RIMBP2: variants seen among roughly 807,000 people sequenced by gnomAD.
RIMBP2 encodes RIMS binding protein 2.
A neutral mutation model predicts 118.6 loss-of-function variants in RIMBP2; 48 were observed. That is an observed-to-expected ratio of 0.40 (90% CI 0.32 to 0.51). The LOEUF (loss-of-function observed/expected upper bound fraction) is 0.51, where lower values mean the gene tolerates loss of function less well. Among genes scored for constraint, RIMBP2 ranks in the 20% least tolerant of loss-of-function variants. The pLI, the probability that RIMBP2 is intolerant of heterozygous loss-of-function variation, is 0.41. For missense variants in RIMBP2, 1,551 were observed against 1,768.3 expected, an observed-to-expected ratio of 0.88 and a Z score of 2.20; for synonymous variants, 762 against 742.9, an observed-to-expected ratio of 1.03 and a Z score of -0.42.
chr12:130,611,254 G>C lies in RIMBP2; in HGVS notation c.-217+17068C>G, dbSNP rs554877359. 6.0e-4 allele frequency among the ~76,000 whole-genome samples: 92 copies of C among 152,288 alleles called. 2 individuals are homozygous for C. The highest frequency in any genetic ancestry group is 2.1e-4 in the South Asian group (1 of 4,834). On this transcript the variant is annotated intron_variant, in intron 2 of 22. Coordinates refer to ENST00000690449, the MANE Select transcript of RIMBP2 (RefSeq NM_001393629.1). ...ATTCCCCTCCCATCCCACGAGCTCTGTCCCCACGTCCCCCAGACCCCACAG... is the reference window on the plus strand; with the variant it reads ...ATTCCCCTCCCATCCCACGAGCTCTCTCCCCACGTCCCCCAGACCCCACAG...
intron 1 of RIMBP2, among the ~76,000 whole-genome samples, chr12:130,635,047 TC>T (rs2062266771): frequency 6.6e-6 from 1 of 152,076 alleles, no homozygotes; most frequent in South Asian, 2.1e-4. Flanking sequence ...ACAGCCCAGC[TC>T]CCCCTGCCCC....
chr12:130,686,356 C>G (rs2065044155), intron 1 of RIMBP2, among the ~76,000 whole-genome samples: 1 of 152,236 alleles, frequency 6.6e-6, no homozygotes, highest in African/African-American at 2.4e-5. Context: ...CCCCGCGCCC[C>G]CAGGCTGTCA....
rs969463108 is a variant in RIMBP2 at position 130,701,960 on chromosome 12, C to T, written c.-352+14262G>A. Among the ~76,000 whole-genome samples, 4 of 152,182 alleles carry T rather than the reference C, an allele frequency of 2.6e-5. 1 individual carries two copies. The highest frequency in any genetic ancestry group is 2.0e-4 in the Admixed American group (3 of 15,272). ...GATGCTCTAGGGAAGGGACTGCAGG[C>T]ACAAGGCCCACCAAAACATAATGCG... On this transcript the variant is annotated intron_variant, in intron 1 of 22. Coordinates refer to ENST00000690449, the MANE Select transcript of RIMBP2 (RefSeq NM_001393629.1).
chr12:130,553,293 A>G (rs1207424548), intron 2 of RIMBP2, among the ~76,000 whole-genome samples: 2 of 152,206 alleles, frequency 1.3e-5, no homozygotes, highest in Non-Finnish European at 2.9e-5. Flanking sequence ...TACTATTATT[A>G]TAACAATTAA....
At chr12:130,416,603 C>T (rs1052899099) in intron 17 of RIMBP2, among the ~76,000 whole-genome samples, 9 of 152,162 alleles carry the variant, frequency 5.9e-5, no homozygotes, top group Non-Finnish European at 1.3e-4. Context: ...GAACGTAAGA[C>T]CTCAAATTAC....
At chr12:130,585,232 G>A (rs1027879541) in intron 2 of RIMBP2, among the ~76,000 whole-genome samples, 6 of 152,132 alleles carry the variant, frequency 3.9e-5, no homozygotes, top group African/African-American at 1.2e-4. Flanking sequence ...AGCCGTGGGT[G>A]TAACCATGTC....
Position 130,456,701 on chromosome 12 carries a change from C to T in RIMBP2, c.154-1G>A. On this transcript the variant is annotated splice_acceptor_variant, in intron 6 of 22. Coordinates refer to ENST00000690449, the MANE Select transcript of RIMBP2 (RefSeq NM_001393629.1). LOFTEE classifies it high-confidence loss of function. ...TCTCTTCCAGCTCTCGAACCTTGGA[C>T]TGCACGGCAGAAGCAGGACAGGGGG... is the stretch of plus-strand genomic sequence containing the variant. The T allele has an allele frequency of 6.3e-7, 1 of 1,598,868 alleles. No individual in the cohort carries two copies. The highest frequency in any genetic ancestry group is 8.6e-7 in the Non-Finnish European group (1 of 1,169,212).
At chr12:130,414,430 T>A in intron 17 of RIMBP2, 124 bp from the exon 18 acceptor site, 2 of 923,134 alleles carry the variant, frequency 2.2e-6, no homozygotes, top group Non-Finnish European at 3.2e-6. Flanking sequence ...CTTTTTTGTG[T>A]CTTAACATGT....
intron 1 of RIMBP2, among the ~76,000 whole-genome samples, chr12:130,711,798 G>A (rs1436356958): frequency 2.0e-5 from 3 of 152,156 alleles, no homozygotes; most frequent in African/African-American, 7.2e-5. Context: ...GGATGCGTTC[G>A]GAGAAATGCC....
rs1248376560 is a variant in RIMBP2 at position 130,664,540 on chromosome 12, C to T, written c.-351-36084G>A. On this transcript the variant is annotated intron_variant, in intron 1 of 22. Transcript: ENST00000690449. ...ACAGGACCTGGAGGTCATGACACCTCGGCTGTCATGAGCACTCCTCACACC... is the reference window on the plus strand; with the variant it reads ...ACAGGACCTGGAGGTCATGACACCTTGGCTGTCATGAGCACTCCTCACACC... Among the ~76,000 whole-genome samples the T allele has an allele frequency of 1.3e-5, 2 of 151,658 alleles. 1 individual carries two copies. Among genetic ancestry groups the T allele is most frequent in the African/African-American group, 4.9e-5 (2 of 40,962 alleles).
intron 2 of RIMBP2, among the ~76,000 whole-genome samples, chr12:130,527,625 C>A (rs981205132): frequency 1.3e-5 from 2 of 151,778 alleles, no homozygotes; most frequent in East Asian, 3.9e-4. Flanking sequence ...TTCTGCACAG[C>A]AAAAGAAACT....
chr12:130,647,261 G>A lies in RIMBP2; in HGVS notation c.-351-18805C>T, dbSNP rs545783347. Among the ~76,000 whole-genome samples, 175 of 152,300 alleles carry A rather than the reference G, an allele frequency of 1.1e-3. 1 individual carries two copies. The highest frequency in any genetic ancestry group is 3.4e-3 in the Middle Eastern group (1 of 294). On this transcript the variant is annotated intron_variant, in intron 1 of 22. Transcript: ENST00000690449. ...ACCTGTAATCCTAGCTACTCGGGAC[G>A]CTGAGGCAGGAGACTCTCTTGAACC...
chr12:130,679,465 C>A (rs1429917201), intron 1 of RIMBP2, among the ~76,000 whole-genome samples: 1 of 152,206 alleles, frequency 6.6e-6, no homozygotes, highest in Non-Finnish European at 1.5e-5. Flanking sequence ...CACGTTTGCA[C>A]AAGAAAGTTA....
At chr12:130,478,023 C>G (rs1290991764) in intron 5 of RIMBP2, among the ~76,000 whole-genome samples, 1 of 152,176 alleles carries the variant, frequency 6.6e-6, no homozygotes, top group Non-Finnish European at 1.5e-5. Flanking sequence ...GGGGGCACCC[C>G]AAGCCCATAG....
intron 4 of RIMBP2, among the ~76,000 whole-genome samples, chr12:130,488,434 C>G (rs1417938151): frequency 6.6e-6 from 1 of 151,772 alleles, no homozygotes; most frequent in East Asian, 1.9e-4. Flanking sequence ...GTGGTGGGGG[C>G]CGTAAGTTTA....
chr12:130,439,821 CTG>C (rs921625819), intron 11 of RIMBP2, among the ~76,000 whole-genome samples: 2 of 34,422 alleles, frequency 5.8e-5, no homozygotes, highest in African/African-American at 1.6e-4. Context: ...GTGGGGGTGT[CTG>C]TGTGTGTGTG....
intron 17 of RIMBP2, among the ~76,000 whole-genome samples, chr12:130,421,517 A>G (rs2076402462): frequency 6.6e-6 from 1 of 152,220 alleles, no homozygotes; most frequent in Non-Finnish European, 1.5e-5. Context: ...TTCATTTTGA[A>G]TTGATGGAAA....
chr12:130,591,476 G>T (rs771478633), intron 2 of RIMBP2, among the ~76,000 whole-genome samples: 2 of 152,146 alleles, frequency 1.3e-5, no homozygotes, highest in African/African-American at 4.8e-5. Flanking sequence ...CCCACTCACC[G>T]AGTGACTTAG....
intron 2 of RIMBP2, among the ~76,000 whole-genome samples, chr12:130,550,739 C>T (rs560524050): frequency 6.6e-6 from 1 of 152,230 alleles, no homozygotes; most frequent in Non-Finnish European, 1.5e-5. Flanking sequence ...TTTCTTATTA[C>T]ACTTGAGGTG....
Sources: gnomAD v4.1 joint callset for allele counts (sites outside exome capture counted in the v4.1 genomes callset) on GRCh38, gnomAD v4.1.1 for gene constraint, MANE v1.5 for transcripts, NCBI Gene and HGNC (gene_info 2026-07-23, HGNC 2026-07-21) for gene names.